The following ELMO2 variants were observed in gnomAD, a reference collection of about 807,000 sequenced individuals.
The protein encoded by ELMO2 is engulfment and cell motility 2, also known as engulfment and cell motility protein 2.
Under a neutral mutation model 96.2 loss-of-function variants are expected in ELMO2, and 37 were observed. The observed-to-expected ratio is 0.38, with a 90% CI of 0.30 to 0.51. The LOEUF (loss-of-function observed/expected upper bound fraction) is 0.51. ELMO2 is among the 20% of genes least tolerant of loss of function. The probability of loss-of-function intolerance (pLI) is 0.88; values close to 1 mark genes in which losing one functional copy is unlikely to be tolerated. For synonymous variants in ELMO2, 315 were observed against 329.4 expected, an observed-to-expected ratio of 0.96 and a Z score of 0.47; for missense variants, 561 against 912.6, an observed-to-expected ratio of 0.61 and a Z score of 4.96.
intron 21 of ELMO2, among the ~76,000 whole-genome samples, chr20:46,368,605 G>C (rs1763250119): frequency 6.6e-6 from 1 of 152,214 alleles, no homozygotes; most frequent in Non-Finnish European, 1.5e-5. Flanking sequence ...AAACAATCCA[G>C]AGTGTGACAG....
intron 21 of ELMO2, among the ~76,000 whole-genome samples, chr20:46,368,316 A>G (rs2059625908): frequency 6.6e-6 from 1 of 152,050 alleles, no homozygotes. Flanking sequence ...TTTAATATCT[A>G]GTATCTTCCA....
At chr20:46,403,761 G>A (rs920657424) in intron 1 of ELMO2, among the ~76,000 whole-genome samples, 2 of 152,178 alleles carry the variant, frequency 1.3e-5, no homozygotes, top group Non-Finnish European at 2.9e-5. Context: ...TGCTGGTCAC[G>A]TGGTAGATAC....
intron 5 of ELMO2, 29 bp from the exon 6 acceptor site, chr20:46,393,172 T>A (rs1272401189): frequency 6.2e-7 from 1 of 1,606,358 alleles, no homozygotes; most frequent in Non-Finnish European, 8.5e-7. Flanking sequence ...ACAAAAAAAG[T>A]AACTAAGATA....
intron 7 of ELMO2, among the ~76,000 whole-genome samples, chr20:46,388,710 TCAAAC>T (rs2060094140): frequency 6.6e-6 from 1 of 152,124 alleles, no homozygotes; most frequent in South Asian, 2.1e-4. Flanking sequence ...CTAACCCTCA[TCAAAC>T]CAAACATTTC....
At chr20:46,379,581 G>C (rs568953049) in intron 11 of ELMO2, among the ~76,000 whole-genome samples, 1 of 151,986 alleles carries the variant, frequency 6.6e-6, no homozygotes. Context: ...TCTGGTCCTC[G>C]CTACCTCTCT....
At position 46,371,537 on chromosome 20, in the gene ELMO2, C is replaced by A. The variant is rs569684760; in HGVS notation, c.1693+42G>T. On this transcript the variant is annotated intron_variant, in intron 18 of 21. Coordinates refer to ENST00000290246, the MANE Select transcript of ELMO2 (RefSeq NM_133171.5). This position sits in a 1 kb window ranked among gnomAD's most constrained non-coding sequence, Gnocchi z 5.9. ...CTGGGCACAAAAGGGGCCATCCAGG[C>A]AGGCTCTTCCCGGCACCAAGGATTG... 6.2e-7 allele frequency: 1 copy of A among 1,604,606 alleles called. No homozygotes were observed. The highest frequency in any genetic ancestry group is 8.5e-7 in the Non-Finnish European group (1 of 1,173,734).
chr20:46,393,580 C>T lies in ELMO2; in HGVS notation c.141G>A (p.Glu47=). The T allele has an allele frequency of 1.2e-6, 2 of 1,613,894 alleles. No individual in the cohort carries two copies. The highest frequency in any genetic ancestry group is 1.7e-6 in the Non-Finnish European group (2 of 1,180,018). ...VCDGWSLPNP[E]YYTLRYADGP... ...CATCTGCATAACGGAGGGTATAATA[C>T]TCTGGGTTTGGCAACGACCACCTAT... is the stretch of plus-strand genomic sequence containing the variant. The change falls in exon 5 of 22, where the codon GAG becomes GAA. Residue 47 remains glutamate, a synonymous_variant. Coordinates refer to ENST00000290246, the MANE Select transcript of ELMO2 (RefSeq NM_133171.5).
In ELMO2 at chr20:46,375,725, G is replaced by C. The variant is rs1022895137; in HGVS notation, c.873C>G (p.Val291=). 5 of 1,614,060 alleles carry C rather than the reference G, an allele frequency of 3.1e-6. No homozygotes were observed. The highest frequency in any genetic ancestry group is 4.2e-6 in the Non-Finnish European group (5 of 1,180,020). The change falls in exon 12 of 22, where the codon GTC becomes GTG. Residue 291 remains valine (V), a synonymous_variant. Transcript: ENST00000290246. The surrounding 1 kb of genome is among the most constrained non-coding windows in gnomAD (Gnocchi z 4.6). ...TTTCTTCCAGAAGGTTAAAGGTTAG[G>C]ACTTGAAGGACATATAGCTGATGGG... ...EMAHQLYVLQ[V]LTFNLLEERM... is the part of the protein sequence containing the mutation.
At chr20:46,376,633 G>A in intron 11 of ELMO2, 1 of 1,289,396 alleles carries the variant, frequency 7.8e-7, no homozygotes, top group Non-Finnish European at 1.0e-6. Flanking sequence ...TCACCATCCT[G>A]TCCTCACTCC....
chr20:46,367,567 G>C lies in ELMO2; in HGVS notation c.1963-7C>G. 6.3e-7 allele frequency: 1 copy of C among 1,588,712 alleles called. No homozygotes were observed. The highest frequency in any genetic ancestry group is 8.6e-7 in the Non-Finnish European group (1 of 1,169,182). Reference sequence around the variant, plus strand: ...CATCAATCCAGATGCAGTACTGTGGGGAGCAAGTTGCAAAATGTCACATCG... The same window carrying C: ...CATCAATCCAGATGCAGTACTGTGGCGAGCAAGTTGCAAAATGTCACATCG... On this transcript the variant is annotated splice_polypyrimidine_tract_variant and splice_region_variant and intron_variant, in intron 21 of 21. Coordinates refer to ENST00000290246, the MANE Select transcript of ELMO2 (RefSeq NM_133171.5).
At chr20:46,385,181 A>T (rs1031047083) in intron 9 of ELMO2, among the ~76,000 whole-genome samples, 1 of 152,208 alleles carries the variant, frequency 6.6e-6, no homozygotes, top group African/African-American at 2.4e-5. Flanking sequence ...ACAATGTCTA[A>T]AAAACAGAAG....
Position 46,367,518 on chromosome 20 carries a change from C to A in ELMO2, c.2005G>T (p.Asp669Tyr). Residue 669 changes from aspartate to tyrosine, a missense_variant, in exon 22 of 22, where the codon GAC (aspartate) becomes TAC (tyrosine). Physicochemically the swap from Asp to Tyr is radical, Grantham distance 160 (BLOSUM62 -3). Coordinates refer to ENST00000290246, the MANE Select transcript of ELMO2 (RefSeq NM_133171.5). Reference sequence around the variant, plus strand: ...CTCTTGGTCAGCTCACTGGACATGTCCTTCCCCAGAAGGGCACTGAGGCCA... The same window carrying A: ...CTCTTGGTCAGCTCACTGGACATGTACTTCCCCAGAAGGGCACTGAGGCCA... ...IDGLSALLGK[D>Y]MSSELTKSDL... is the part of the protein sequence containing the mutation. The A allele has an allele frequency of 1.2e-6, 2 of 1,613,382 alleles. No individual in the cohort carries two copies. The highest frequency in any genetic ancestry group is 1.7e-6 in the Non-Finnish European group (2 of 1,179,746).
At chr20:46,393,736 G>A (rs2060197740) in intron 4 of ELMO2, 135 bp from the exon 5 acceptor site, 1 of 1,023,474 alleles carries the variant, frequency 9.8e-7, no homozygotes, top group Non-Finnish European at 1.5e-6. Flanking sequence ...GCTTTAGGTT[G>A]TCATGTTGAA....
chr20:46,367,255 A>G lies in ELMO2; in HGVS notation c.*105T>C. 1 of 1,167,148 alleles carries G rather than the reference A, an allele frequency of 8.6e-7. No individual in the cohort carries two copies. The highest frequency in any genetic ancestry group is 3.5e-5 in the Admixed American group (1 of 28,790). 72.3% of individuals were successfully genotyped at this position (1,167,148 alleles called of 1,614,324 possible). The stretch of plus-strand genomic sequence containing the variant: ...TGGCTGGCATTTACTGGCCACCAAA[A>G]TCACTACAGATTCTGTACAAGCAAA... On this transcript the variant is annotated 3_prime_UTR_variant, in exon 22 of 22. Transcript: ENST00000290246.
chr20:46,398,405 T>C (rs1052982109), intron 2 of ELMO2, among the ~76,000 whole-genome samples: 5 of 152,168 alleles, frequency 3.3e-5, no homozygotes, highest in African/African-American at 1.2e-4. Context: ...CTCTGTCTCC[T>C]GGGTTCAAGC....
At chr20:46,393,164 A>C in intron 5 of ELMO2, 21 bp from the exon 6 acceptor site, 1 of 1,609,752 alleles carries the variant, frequency 6.2e-7, no homozygotes, top group Non-Finnish European at 8.5e-7. Flanking sequence ...AAAAATAAAC[A>C]AAAAAAGTAA....
intron 2 of ELMO2, among the ~76,000 whole-genome samples, chr20:46,398,019 A>G (rs2060275619): frequency 6.6e-6 from 1 of 152,190 alleles, no homozygotes; most frequent in Admixed American, 6.5e-5. Context: ...CTATAAATTA[A>G]GCTAGTCTAT....
chr20:46,385,623 T>C (rs2060027681), intron 9 of ELMO2, among the ~76,000 whole-genome samples: 1 of 152,214 alleles, frequency 6.6e-6, no homozygotes, highest in African/African-American at 2.4e-5. Flanking sequence ...ACCTGTGTGA[T>C]ATTTCTTACA....
chr20:46,367,798 C>T (rs922202835), intron 21 of ELMO2, among the ~76,000 whole-genome samples: 5 of 151,910 alleles, frequency 3.3e-5, no homozygotes, highest in African/African-American at 1.2e-4. Flanking sequence ...GAAGGAGAAC[C>T]TAAAAATGCA....
Sources: allele counts gnomAD v4.1 joint callset (sites outside exome capture counted in the v4.1 genomes callset), GRCh38; gene constraint gnomAD v4.1.1; non-coding constraint Gnocchi (gnomAD v3.1); transcripts MANE v1.5; gene names NCBI Gene and HGNC (gene_info 2026-07-23, HGNC 2026-07-21).